EIF4E3: variants seen among roughly 807,000 people sequenced by gnomAD.
EIF4E3 encodes the protein eukaryotic translation initiation factor 4E type 3.
EIF4E3 carries 26 observed loss-of-function variants against 31.7 expected under a neutral mutation model. That is an observed-to-expected ratio of 0.82 (90% confidence interval 0.60 to 1.14). The LOEUF is 1.14. Among genes scored for constraint, EIF4E3 ranks in the 50% most tolerant of loss-of-function variants. The probability of loss-of-function intolerance (pLI) is 0.00; values close to 1 mark genes in which losing one functional copy is unlikely to be tolerated. For synonymous variants in EIF4E3, 128 were observed against 107.7 expected, an observed-to-expected ratio of 1.19 and a Z score of -1.17; for missense variants, 304 against 270.9, an observed-to-expected ratio of 1.12 and a Z score of -0.86.
rs1029952970 is a variant in EIF4E3, at chr3:71,679,092, C to A, written c.*5590G>T. 1 of 152,126 alleles carries A rather than the reference C, an allele frequency of 6.6e-6. No individual in the cohort carries two copies. Among genetic ancestry groups the A allele is most frequent in the Admixed American group, 6.5e-5 (1 of 15,268 alleles). The allele number at this position is 152,126 out of a possible 1,614,324, so 9.4% of individuals were successfully genotyped here. A position where few individuals can be genotyped will look rare whatever the true frequency, so the allele number is the denominator to read the frequency against. ...TTAATGTATATCCACAGCATCAATA[C>A]CTCTATTTGAAAACAGAAACACTGT... On this transcript the variant is annotated 3_prime_UTR_variant, in exon 7 of 7. Transcript: ENST00000425534.
chr3:71,712,826 T>C (rs1369768662), intron 1 of EIF4E3, among the ~76,000 whole-genome samples: 1 of 139,550 alleles, frequency 7.2e-6, no homozygotes, highest in Non-Finnish European at 1.5e-5. Context: ...AAACACAATG[T>C]GAGGATAATA....
chr3:71,660,219 T>C, the EIF4E3 span, among the ~76,000 whole-genome samples: 1 of 152,104 alleles, frequency 6.6e-6, no homozygotes, highest in South Asian at 2.1e-4. Flanking sequence ...CCTAAGAGGT[T>C]ATCCTGTCTG....
At position 71,680,092 on chromosome 3, in the gene EIF4E3, T is replaced by A. The variant is rs555116735; in HGVS notation, c.*4590A>T. The A allele has an allele frequency of 1.1e-4, 16 of 152,332 alleles. No individual in the cohort carries two copies. Among genetic ancestry groups the A allele is most frequent in the Middle Eastern group, 3.4e-3 (1 of 294 alleles). The allele number at this position is 152,332 out of a possible 1,614,324, so 9.4% of individuals were successfully genotyped here. A position where few individuals can be genotyped will look rare whatever the true frequency, so the allele number is the denominator to read the frequency against. On this transcript the variant is annotated 3_prime_UTR_variant, in exon 7 of 7. Coordinates refer to ENST00000425534, the MANE Select transcript of EIF4E3 (RefSeq NM_001134651.2). The stretch of plus-strand genomic sequence containing the variant: ...TGTGGTCCCAGCCATAAAGTTCTTA[T>A]TCACGAGCATCATCTACTCAAGTCT...
chr3:71,726,269 G>A (rs1228841158), upstream of EIF4E3, among the ~76,000 whole-genome samples: 2 of 152,198 alleles, frequency 1.3e-5, no homozygotes, highest in East Asian at 1.9e-4. Flanking sequence ...AAGCACCGGC[G>A]AGTCGGGAGG....
chr3:71,743,899 A>C (rs911652178), intron 1 of EIF4E3, among the ~76,000 whole-genome samples: 4 of 152,198 alleles, frequency 2.6e-5, no homozygotes, highest in Admixed American at 6.5e-5. Flanking sequence ...AAAAAAATGA[A>C]TTTCAATCCA....
At chr3:71,712,644 G>GGGGGGGGGGGGGC (rs35405190) in intron 1 of EIF4E3, among the ~76,000 whole-genome samples, 54 of 123,986 alleles carry the variant, frequency 4.4e-4, no homozygotes, top group Non-Finnish European at 5.6e-4. Flanking sequence ...GTGGGCGGGG[G>GGGGGGGGGGGGGC]AGATTCTAGG....
intron 1 of EIF4E3, among the ~76,000 whole-genome samples, chr3:71,741,489 T>A (rs1366067879): frequency 6.6e-6 from 1 of 152,196 alleles, no homozygotes; most frequent in African/African-American, 2.4e-5. Flanking sequence ...AAATATTTTT[T>A]ACTCCTGATA....
intron 2 of EIF4E3, among the ~76,000 whole-genome samples, chr3:71,708,814 C>G (rs776320684): frequency 1.9e-4 from 29 of 152,154 alleles, no homozygotes; most frequent in Non-Finnish European, 3.7e-4. Context: ...TGCAGGGAGG[C>G]CTCCCAGACT....
rs2048893449 is a variant in EIF4E3 at position 71,678,828 on chromosome 3, T to C, written c.*5854A>G. On this transcript the variant is annotated 3_prime_UTR_variant, in exon 7 of 7. Transcript: ENST00000425534. ...ATTCTAAAGAATTAATAACTTTCAA[T>C]GTAAGATTTTAAATTTGGGACAAAT... 6.6e-6 allele frequency: 1 copy of C among 152,198 alleles called. No homozygotes were observed. Among genetic ancestry groups the C allele is most frequent in the Admixed American group, 6.5e-5 (1 of 15,280 alleles). The allele number at this position is 152,198 out of a possible 1,614,324, so 9.4% of individuals were successfully genotyped here.
intron 3 of EIF4E3, among the ~76,000 whole-genome samples, chr3:71,699,354 GA>G (rs1210770804): frequency 6.6e-6 from 1 of 152,122 alleles, no homozygotes; most frequent in Admixed American, 6.6e-5. Flanking sequence ...AAATAATGCA[GA>G]AAGACTGAAT....
At chr3:71,738,278 T>G (rs1041547782) in intron 1 of EIF4E3, among the ~76,000 whole-genome samples, 22 of 152,160 alleles carry the variant, frequency 1.4e-4, no homozygotes, top group Admixed American at 2.6e-4. Flanking sequence ...GAAAAAACTG[T>G]GATCCTTCCC....
upstream of EIF4E3, chr3:71,729,254 G>A (rs903091685): frequency 1.3e-5 from 2 of 152,364 alleles, no homozygotes; most frequent in South Asian, 4.1e-4. Context: ...TGGAAGGGAA[G>A]GCAGGGGTCC....
chr3:71,672,165 CCAG>C (rs2048850195), downstream of EIF4E3, among the ~76,000 whole-genome samples: 1 of 151,904 alleles, frequency 6.6e-6, no homozygotes, highest in Non-Finnish European at 1.5e-5. Context: ...CATTTTTAAC[CCAG>C]CAGAAGTAAG....
chr3:71,746,331 G>T (rs2108159268), intron 1 of EIF4E3, among the ~76,000 whole-genome samples: 1 of 152,286 alleles, frequency 6.6e-6, no homozygotes, highest in African/African-American at 2.4e-5. Context: ...TCTAAAAAAT[G>T]ATAGCTTTTC....
intron 2 of EIF4E3, among the ~76,000 whole-genome samples, chr3:71,705,901 C>T (rs749425529): frequency 3.9e-5 from 6 of 152,176 alleles, no homozygotes; most frequent in Admixed American, 1.3e-4. Context: ...TAGCTGAGAT[C>T]ACAGGCATGA....
upstream of EIF4E3, among the ~76,000 whole-genome samples, chr3:71,725,609 C>T (rs929692295): frequency 1.2e-4 from 18 of 151,824 alleles, no homozygotes; most frequent in Admixed American, 3.9e-4. This position sits in a 1 kb window ranked among gnomAD's most constrained non-coding sequence, Gnocchi z 6.1. Flanking sequence ...GATGGGGGGC[C>T]GATCCCGCTC....
the EIF4E3 span, among the ~76,000 whole-genome samples, chr3:71,661,674 A>G: frequency 6.6e-6 from 1 of 152,216 alleles, no homozygotes; most frequent in Non-Finnish European, 1.5e-5. Context: ...ACACTTTGGC[A>G]TGACATGGAG....
chr3:71,713,232 C>G (rs2049410135), intron 1 of EIF4E3, among the ~76,000 whole-genome samples: 1 of 152,158 alleles, frequency 6.6e-6, no homozygotes, highest in Non-Finnish European at 1.5e-5. Context: ...CAGGCTGGTA[C>G]TTAGAGAGGT....
chr3:71,752,579 A>G (rs1047181051), intron 1 of EIF4E3, among the ~76,000 whole-genome samples: 1 of 152,200 alleles, frequency 6.6e-6, no homozygotes, highest in African/African-American at 2.4e-5. Context: ...TGTGGGTGAG[A>G]AACAATGCGT....
Sources: gnomAD v4.1 joint callset for allele counts (sites outside exome capture counted in the v4.1 genomes callset) on GRCh38, gnomAD v4.1.1 for gene constraint, Gnocchi (gnomAD v3.1) non-coding constraint, MANE v1.5 for transcripts, NCBI Gene and HGNC (gene_info 2026-07-23, HGNC 2026-07-21) for gene names.